Variants in DOCK6 observed in about 807,000 individuals in gnomAD.
DOCK6 encodes the protein dedicator of cytokinesis 6, also known as dedicator of cytokinesis protein 6.
A neutral mutation model predicts 230.3 loss-of-function variants in DOCK6; 167 were observed. The observed-to-expected ratio is 0.73, with a 90% CI of 0.64 to 0.82. DOCK6 has a LOEUF of 0.82. Ranked by LOEUF, DOCK6 falls within the 40% of genes least tolerant of loss-of-function variation. DOCK6 has a pLI of 0.00. For missense variants in DOCK6, 2,598 were observed against 2,825.8 expected, an observed-to-expected ratio of 0.92 and a Z score of 1.83; for synonymous variants, 1,148 against 1,185.0, an observed-to-expected ratio of 0.97 and a Z score of 0.64.
chr19:11,228,853 T>C (rs945974378), intron 23 of DOCK6, 87 bp downstream of exon 23: 16 of 1,334,634 alleles, frequency 1.2e-5, no homozygotes, highest in African/African-American at 1.0e-4. Flanking sequence ...TGAGCCACTA[T>C]GCCTGGCCAG....
Position 11,227,596 on chromosome 19 carries a change from TGAA to T in DOCK6, c.2815-122_2815-120del, listed in dbSNP as rs142984846. On this transcript the variant is annotated intron_variant, in intron 23 of 47. Coordinates refer to ENST00000294618, the MANE Select transcript of DOCK6 (RefSeq NM_020812.4). ...GGCTTGAAGGACTGTGGGTGGGGCT[TGAA>T]GGGCTGTGGGTGGAGGAGGCTTGAC... is the stretch of plus-strand genomic sequence containing the variant. The T allele has an allele frequency of 7.2e-6, 9 of 1,248,532 alleles. No individual in the cohort carries two copies. The African/African-American group carries it at 1.2e-4, about 17-fold the overall frequency. 77.3% of individuals were successfully genotyped at this position (1,248,532 alleles called of 1,614,324 possible). A position where few individuals can be genotyped will look rare whatever the true frequency, so the allele number is the denominator to read the frequency against.
At chr19:11,261,849 C>G (rs111895652) in intron 1 of DOCK6, among the ~76,000 whole-genome samples, 34 of 152,164 alleles carry the variant, frequency 2.2e-4, no homozygotes, top group African/African-American at 3.4e-4. Context: ...CCTTCCCCCC[C>G]CCCGACAGCT....
Position 11,222,902 on chromosome 19 carries a change from C to T in DOCK6, c.3073G>A (p.Ala1025Thr). 6.2e-7 allele frequency: 1 copy of T among 1,610,084 alleles called. No individual in the cohort carries two copies. Among genetic ancestry groups the T allele is most frequent in the Non-Finnish European group, 8.5e-7 (1 of 1,178,410 alleles). ...SLVRAHYKQV[A>T]TRLQSSPNPA... ...TTAGGGGACGACTGGAGCCGCGTGG[C>T]CACCTGCAGGAGAGGGGTGGCCATC... Residue 1025 changes from alanine to threonine, a missense_variant, in exon 26 of 48, where the codon GCC becomes ACC. Transcript: ENST00000294618. The surrounding 1 kb of genome is among the most constrained non-coding windows in gnomAD (Gnocchi z 4.0).
Position 11,215,448 on chromosome 19 carries a change from C to T in DOCK6, c.4045G>A (p.Glu1349Lys), listed in dbSNP as rs2079468114. 1 of 1,613,162 alleles carries T rather than the reference C, an allele frequency of 6.2e-7. No individual in the cohort carries two copies. Among genetic ancestry groups the T allele is most frequent in the Admixed American group, 1.7e-5 (1 of 59,976 alleles). ...ACGCTCTTCCGCCAGCGCACATTCT[C>T]CGGATTCCCAAACGGGCTCCTCTCT... ...SRERSPFGNP[E>K]NVRWRKSVTH... is the part of the protein sequence containing the mutation. The change falls in exon 32 of 48, where the codon GAG (glutamate) becomes AAG (lysine). Residue 1349 changes from glutamate to lysine, a missense_variant. Coordinates refer to ENST00000294618, the MANE Select transcript of DOCK6 (RefSeq NM_020812.4).
At position 11,202,048 on chromosome 19, in the gene DOCK6, G is replaced by T; in HGVS notation, c.5529C>A (p.Arg1843=). Reference sequence around the variant, plus strand: ...ACAGGAATGTGCGAAGCCCATAGTTGCGGTCAAAGTAGGTCACCCGGTCCT... The same window carrying T: ...ACAGGAATGTGCGAAGCCCATAGTTTCGGTCAAAGTAGGTCACCCGGTCCT... The part of the protein sequence containing the change: ...ELKDRVTYFD[R]NYGLRTFLFC... The change falls in exon 44 of 48, where the codon CGC becomes CGA. Residue 1843 remains arginine (R), a synonymous_variant. Transcript: ENST00000294618. The surrounding 1 kb of genome is among the most constrained non-coding windows in gnomAD (Gnocchi z 5.3). 1.2e-6 allele frequency: 2 copies of T among 1,614,058 alleles called. No individual in the cohort carries two copies. Among genetic ancestry groups the T allele is most frequent in the Non-Finnish European group, 1.7e-6 (2 of 1,179,916 alleles).
At chr19:11,229,901 G>A (rs2079736028) in intron 22 of DOCK6, among the ~76,000 whole-genome samples, 1 of 151,858 alleles carries the variant, frequency 6.6e-6, no homozygotes. Flanking sequence ...ATATATGGCT[G>A]GGCCTGGTGG....
chr19:11,225,747 A>C (rs1216254956), intron 24 of DOCK6, among the ~76,000 whole-genome samples: 1 of 151,738 alleles, frequency 6.6e-6, no homozygotes, highest in Non-Finnish European at 1.5e-5. Context: ...AACCCCAGTC[A>C]ATCTGGCCAG....
chr19:11,212,812 G>A (rs2079412771), intron 35 of DOCK6, among the ~76,000 whole-genome samples: 1 of 149,666 alleles, frequency 6.7e-6, no homozygotes, highest in Non-Finnish European at 1.5e-5. Flanking sequence ...TGATCCACCT[G>A]CCTCAGCTTC....
Position 11,240,301 on chromosome 19 carries a change from G to A in DOCK6, c.1643+1744C>T, listed in dbSNP as rs369490921. Reference sequence around the variant, plus strand: ...CGAGAATTTGAGGTCTTAAAGGTAAGGAGCTCCCCCAACCCTAGTGGGCTG... The same window carrying A: ...CGAGAATTTGAGGTCTTAAAGGTAAAGAGCTCCCCCAACCCTAGTGGGCTG... On this transcript the variant is annotated intron_variant, in intron 14 of 47. Coordinates refer to ENST00000294618, the MANE Select transcript of DOCK6 (RefSeq NM_020812.4). The A allele has an allele frequency of 2.6e-6, 4 of 1,562,896 alleles. No individual in the cohort carries two copies. In the African/African-American group the frequency reaches 5.5e-5, roughly 21 times the overall value.
chr19:11,252,981 T>C (rs1256968460), intron 2 of DOCK6, 23 bp from the exon 3 acceptor site: 1 of 1,587,046 alleles, frequency 6.3e-7, no homozygotes, highest in South Asian at 1.1e-5. Flanking sequence ...AAAGTGGCTG[T>C]GATCGCACTA....
chr19:11,252,129 G>A lies in DOCK6; in HGVS notation c.497C>T (p.Pro166Leu). Residue 166 changes from proline (P) to leucine (L), a missense_variant, in exon 5 of 48, where the codon CCT (proline) becomes CTT (leucine). Pro to Leu is a moderately conservative substitution (Grantham distance 98). Coordinates refer to ENST00000294618, the MANE Select transcript of DOCK6 (RefSeq NM_020812.4). ...CAGGGGCTTCCTCACCGAGTCCTCAGGGCCGGACCTCTCGTCTCCAGAAGC... is the reference window on the plus strand; with the variant it reads ...CAGGGGCTTCCTCACCGAGTCCTCAAGGCCGGACCTCTCGTCTCCAGAAGC... Reference protein sequence around the residue: ...QDASGDERSGPEDSNDSRRGS... With the variant: ...QDASGDERSGLEDSNDSRRGS... 1 of 1,589,896 alleles carries A rather than the reference G, an allele frequency of 6.3e-7. No homozygotes were observed. Among genetic ancestry groups the A allele is most frequent in the Non-Finnish European group, 8.6e-7 (1 of 1,168,856 alleles).
At chr19:11,223,974 C>G (rs2079621716) in intron 24 of DOCK6, among the ~76,000 whole-genome samples, 1 of 152,046 alleles carries the variant, frequency 6.6e-6, no homozygotes, top group Admixed American at 6.6e-5. Flanking sequence ...GTGAGCTTTA[C>G]TGAGCATCTA....
chr19:11,262,399 GT>G lies in DOCK6; in HGVS notation c.41del (p.Asn14ThrfsTer34). The G allele has an allele frequency of 7.8e-7, 1 of 1,283,558 alleles. No homozygotes were observed. Among genetic ancestry groups the G allele is most frequent in the Non-Finnish European group, 9.9e-7 (1 of 1,014,046 alleles). 79.5% of individuals were successfully genotyped at this position (1,283,558 alleles called of 1,614,324 possible). A position where few individuals can be genotyped will look rare whatever the true frequency, so the allele number is the denominator to read the frequency against. The stretch of plus-strand genomic sequence containing the variant: ...AGGGGGCCCCGCGGCCACACTACCT[GT>G]TGATCTTGTGCGCGAAGGCGCGGCG... ...SERRAFAHKI[N>X]RTVAAEVRKQ... On this transcript the variant is annotated frameshift_variant, in exon 1 of 48. Transcript: ENST00000294618. LOFTEE classifies it high-confidence loss of function.
At position 11,199,520 on chromosome 19, in the gene DOCK6, T is replaced by C; in HGVS notation, c.6121A>G (p.Ser2041Gly). ...PGLRNSLNRA[S>G]FRKADL Reference sequence around the variant, plus strand: ...GCTCAGAGGTCTGCCTTTCGGAAACTTGCTCTGTTCAAGGAGTTCCTGGAA... The same window carrying C: ...GCTCAGAGGTCTGCCTTTCGGAAACCTGCTCTGTTCAAGGAGTTCCTGGAA... The change falls in exon 48 of 48, where the codon AGT becomes GGT. Residue 2041 changes from serine to glycine, a missense_variant. Transcript: ENST00000294618. 6.3e-7 allele frequency: 1 copy of C among 1,583,868 alleles called. No homozygotes were observed. Among genetic ancestry groups the C allele is most frequent in the African/African-American group, 1.3e-5 (1 of 74,428 alleles).
At chr19:11,214,739 G>T in intron 32 of DOCK6, 90 bp from the exon 33 acceptor site, 8 of 1,204,252 alleles carry the variant, frequency 6.6e-6, no homozygotes, top group Non-Finnish European at 9.6e-6. Flanking sequence ...AGCCCAGGGG[G>T]CACTGGCTCC....
chr19:11,242,921 G>T (rs2079969218), intron 13 of DOCK6, 138 bp downstream of exon 13: 2 of 925,938 alleles, frequency 2.2e-6, no homozygotes, highest in Non-Finnish European at 3.4e-6. Context: ...GCTGTAGCCA[G>T]CCCCTGAGGT....
intron 23 of DOCK6, 132 bp from the exon 24 acceptor site, chr19:11,227,609 G>A: frequency 8.7e-7 from 1 of 1,155,046 alleles, no homozygotes; most frequent in Non-Finnish European, 1.2e-6. Flanking sequence ...AGGGCTGTGG[G>A]TGGAGGAGGC....
Position 11,233,343 on chromosome 19 carries a change from C to G in DOCK6, c.2578G>C (p.Ala860Pro), listed in dbSNP as rs765451093. The G allele has an allele frequency of 4.3e-6, 7 of 1,613,632 alleles. No individual in the cohort carries two copies. The highest frequency in any genetic ancestry group is 5.1e-6 in the Non-Finnish European group (6 of 1,179,766). Reference protein sequence around the residue: ...PDGAPPVTVQAATLARGSGRP... With the variant: ...PDGAPPVTVQPATLARGSGRP... ...CCAGAGCCACGGGCCAGTGTGGCAGCCTGCACTGTCACTGGAGGGGCCCCT... is the reference window on the plus strand; with the variant it reads ...CCAGAGCCACGGGCCAGTGTGGCAGGCTGCACTGTCACTGGAGGGGCCCCT... The change falls in exon 22 of 48, where the codon GCT becomes CCT. Residue 860 changes from alanine to proline, a missense_variant. By Grantham distance (27) the Ala-to-Pro change is conservative (BLOSUM62 -1). Transcript: ENST00000294618.
rs1248050875 is a variant in DOCK6, at chr19:11,201,059, G to A, written c.5689-7C>T. On this transcript the variant is annotated splice_polypyrimidine_tract_variant and splice_region_variant and intron_variant, in intron 44 of 47. Transcript: ENST00000294618. The surrounding 1 kb of genome is among the most constrained non-coding windows in gnomAD (Gnocchi z 4.3). ...CCACTGGCGTCAGCACCGTCTGTGGGGTAAGGGGAGGGGTGTGTACTCGCT... is the reference window on the plus strand; with the variant it reads ...CCACTGGCGTCAGCACCGTCTGTGGAGTAAGGGGAGGGGTGTGTACTCGCT... 2 of 1,613,240 alleles carry A rather than the reference G, an allele frequency of 1.2e-6. No homozygotes were observed. Among genetic ancestry groups the A allele is most frequent in the Middle Eastern group, 1.7e-4 (1 of 6,060 alleles).
Sources: gnomAD v4.1 joint callset for allele counts (sites outside exome capture counted in the v4.1 genomes callset) on GRCh38, gnomAD v4.1.1 for gene constraint, Gnocchi (gnomAD v3.1) non-coding constraint, MANE v1.5 for transcripts, NCBI Gene and HGNC (gene_info 2026-07-23, HGNC 2026-07-21) for gene names.